The following C8orf74 variants were observed in gnomAD, a reference collection of about 807,000 sequenced individuals.
The protein encoded by C8orf74 is uncharacterized protein C8orf74.
In C8orf74, 29 loss-of-function variants were observed where a neutral mutation model predicts 22.2. That is an observed-to-expected ratio of 1.31 (90% CI 0.97 to 1.78). The LOEUF (loss-of-function observed/expected upper bound fraction) is 1.78. Among genes scored for constraint, C8orf74 ranks in the 40% most tolerant of loss-of-function variants. The probability of loss-of-function intolerance (pLI) is 0.00; values close to 1 mark genes in which losing one functional copy is unlikely to be tolerated. For synonymous variants in C8orf74, 255 were observed against 163.1 expected (o/e 1.56, Z -4.30); for missense variants, 515 against 369.9 (o/e 1.39, Z -3.22).
At chr8:10,693,184 T>A (rs905532120) in intron 2 of C8orf74, among the ~76,000 whole-genome samples, 3 of 152,190 alleles carry the variant, frequency 2.0e-5, no homozygotes, top group African/African-American at 7.2e-5. Flanking sequence ...CCCCGACCTT[T>A]CAGTCCCTCA....
Position 10,700,531 on chromosome 8 carries a change from GC to G in C8orf74, c.*61del. On this transcript the variant is annotated 3_prime_UTR_variant, in exon 4 of 4. Transcript: ENST00000304519. ...CCAGCCACCCATAACCATGAGCCTT[GC>G]GGCACGGTGAGCTCAGCACCCACAG... 3.7e-6 allele frequency: 4 copies of G among 1,090,726 alleles called. No homozygotes were observed. The highest frequency in any genetic ancestry group is 5.2e-6 in the Non-Finnish European group (4 of 769,428). 67.6% of individuals were successfully genotyped at this position (1,090,726 alleles called of 1,614,324 possible). A position where few individuals can be genotyped will look rare whatever the true frequency, so the allele number is the denominator to read the frequency against.
At chr8:10,688,813 G>T (rs1012814982) in intron 2 of C8orf74, 2 of 152,328 alleles carry the variant, frequency 1.3e-5, no homozygotes, top group Non-Finnish European at 2.9e-5. Flanking sequence ...TTTGGAAAGG[G>T]GTCACCCTGA....
chr8:10,699,579 G>A (rs1799609266), intron 3 of C8orf74, among the ~76,000 whole-genome samples: 1 of 152,256 alleles, frequency 6.6e-6, no homozygotes, highest in African/African-American at 2.4e-5. Context: ...CATGTATCCA[G>A]GCTCTGTGGG....
At chr8:10,690,494 C>A (rs1799353936) in intron 2 of C8orf74, among the ~76,000 whole-genome samples, 1 of 152,178 alleles carries the variant, frequency 6.6e-6, no homozygotes, top group Non-Finnish European at 1.5e-5. Context: ...CCACACTGGG[C>A]CAGCCCTGGT....
In C8orf74 at chr8:10,697,917, A is replaced by G. The variant is rs769930434; in HGVS notation, c.560A>G (p.Glu187Gly). ...QKRADVLLLK[E>G]ALRLERENSL... The stretch of plus-strand genomic sequence containing the variant: ...CGCGCCGACGTGCTGCTCCTGAAAG[A>G]GGCGCTGCGCCTGGAGCGGGAGAAC... The change falls in exon 3 of 4, where the codon GAG becomes GGG. Residue 187 changes from glutamate (E) to glycine (G), a missense_variant. Glu to Gly is a moderately conservative substitution (Grantham distance 98). Transcript: ENST00000304519. 2.5e-6 allele frequency: 4 copies of G among 1,602,250 alleles called. No homozygotes were observed. The highest frequency in any genetic ancestry group is 4.5e-5 in the East Asian group (2 of 44,672).
At chr8:10,676,832 G>T (rs904246519) in intron 2 of C8orf74, among the ~76,000 whole-genome samples, 1 of 152,134 alleles carries the variant, frequency 6.6e-6, no homozygotes, top group Non-Finnish European at 1.5e-5. Context: ...GCTCTAGAGG[G>T]GCTCGTGGCC....
intron 2 of C8orf74, among the ~76,000 whole-genome samples, chr8:10,677,148 C>A (rs1159212243): frequency 6.6e-6 from 1 of 152,092 alleles, no homozygotes; most frequent in Non-Finnish European, 1.5e-5. Flanking sequence ...TCCACAGACA[C>A]CCCCTAAGGA....
At chr8:10,686,134 A>G (rs1799257909) in intron 2 of C8orf74, among the ~76,000 whole-genome samples, 1 of 152,236 alleles carries the variant, frequency 6.6e-6, no homozygotes, top group Admixed American at 6.5e-5. Flanking sequence ...CAACAATTGA[A>G]AAATTAAATT....
At chr8:10,685,333 G>A (rs954420089) in intron 2 of C8orf74, among the ~76,000 whole-genome samples, 8 of 152,214 alleles carry the variant, frequency 5.3e-5, no homozygotes, top group African/African-American at 1.9e-4. Context: ...TTGGGGAGGT[G>A]TTTGTACATC....
intron 2 of C8orf74, among the ~76,000 whole-genome samples, chr8:10,685,812 G>A (rs1344657774): frequency 3.3e-5 from 5 of 152,234 alleles, no homozygotes; most frequent in Non-Finnish European, 5.9e-5. Flanking sequence ...GCTCACGCCT[G>A]TAATCCCAGC....
intron 2 of C8orf74, among the ~76,000 whole-genome samples, chr8:10,690,447 G>T (rs533639982): frequency 6.6e-6 from 1 of 152,320 alleles, no homozygotes; most frequent in East Asian, 1.9e-4. Context: ...ATGCTGTTGG[G>T]TGGAGATGCT....
chr8:10,673,741 G>C (rs1798964961), intron 1 of C8orf74: 1 of 153,770 alleles, frequency 6.5e-6, no homozygotes, highest in Non-Finnish European at 1.5e-5. Context: ...CCAAAGCACA[G>C]CTCTTCCCAG....
At chr8:10,699,286 G>A (rs530289875) in intron 3 of C8orf74, among the ~76,000 whole-genome samples, 6 of 152,218 alleles carry the variant, frequency 3.9e-5, no homozygotes, top group African/African-American at 1.4e-4. Flanking sequence ...CCTACACTGT[G>A]TGCCCCAGCT....
At chr8:10,684,407 G>C (rs1799218272) in intron 2 of C8orf74, among the ~76,000 whole-genome samples, 1 of 152,242 alleles carries the variant, frequency 6.6e-6, no homozygotes, top group African/African-American at 2.4e-5. Context: ...TATGGACAAA[G>C]AGAAGGGCGT....
intron 2 of C8orf74, among the ~76,000 whole-genome samples, chr8:10,682,637 C>T (rs1799176107): frequency 6.6e-6 from 1 of 152,166 alleles, no homozygotes; most frequent in Admixed American, 6.5e-5. Flanking sequence ...CTAATCGCCT[C>T]TATAAAGACC....
In C8orf74 at chr8:10,696,416, T is replaced by C. The variant is rs376335101; in HGVS notation, c.242-1183T>C. ...CAATCACTGCCTGCTCCACTCTTTT[T>C]TTTTCTTTTCTTTTCTTTTCTTTTC... On this transcript the variant is annotated intron_variant, in intron 2 of 3. Transcript: ENST00000304519. Among the ~76,000 whole-genome samples the C allele has an allele frequency of 2.3e-3, 331 of 143,374 alleles. 3 individuals are homozygous for C. Among genetic ancestry groups the C allele is most frequent in the East Asian group, 7.6e-3 (39 of 5,120 alleles). 94.1% of individuals were successfully genotyped at this position (143,374 alleles called of 152,430 possible). A position where few individuals can be genotyped will look rare whatever the true frequency, so the allele number is the denominator to read the frequency against.
intron 2 of C8orf74, among the ~76,000 whole-genome samples, chr8:10,693,724 C>T (rs1158780184): frequency 1.3e-5 from 2 of 152,192 alleles, no homozygotes; most frequent in Admixed American, 6.5e-5. Context: ...CCCACTGTCC[C>T]TCAAACATCC....
Position 10,674,939 on chromosome 8 carries a change from C to T in C8orf74, c.241+101C>T, listed in dbSNP as rs1027768981. 4.0e-6 allele frequency: 4 copies of T among 996,032 alleles called. No individual in the cohort carries two copies. The African/African-American group carries it at 6.5e-5, about 16-fold the overall frequency. The allele number at this position is 996,032 out of a possible 1,614,324, so 61.7% of individuals were successfully genotyped here. On this transcript the variant is annotated intron_variant, in intron 2 of 3. Coordinates refer to ENST00000304519, the MANE Select transcript of C8orf74 (RefSeq NM_001040032.2). ...CACAGCCCCAGCAGCCTTGGAGGAG[C>T]CAGGGCCCCTTCCTGCCCTTCCCTG... is the stretch of plus-strand genomic sequence containing the variant.
chr8:10,693,173 T>C (rs1405623851), intron 2 of C8orf74, among the ~76,000 whole-genome samples: 1 of 152,140 alleles, frequency 6.6e-6, no homozygotes, highest in Non-Finnish European at 1.5e-5. Flanking sequence ...ACTGCCTTCC[T>C]CCCCGACCTT....
Sources: allele counts gnomAD v4.1 joint callset (sites outside exome capture counted in the v4.1 genomes callset), GRCh38; gene constraint gnomAD v4.1.1; transcripts MANE v1.5; gene names NCBI Gene and HGNC (gene_info 2026-07-23, HGNC 2026-07-21).